Variants in DDAH1 observed in about 807,000 individuals in gnomAD.
DDAH1 encodes dimethylarginine dimethylaminohydrolase 1.
In DDAH1, 19 loss-of-function variants were observed where a neutral mutation model predicts 28.8. That is an observed-to-expected ratio of 0.66 (90% CI 0.46 to 0.97). DDAH1 has a LOEUF of 0.97. Among genes scored for constraint, DDAH1 ranks in the 50% least tolerant of loss-of-function variants. The pLI is 0.00. For missense variants in DDAH1, 326 were observed against 375.9 expected, an observed-to-expected ratio of 0.87 and a Z score of 1.10; for synonymous variants, 153 against 154.4, an observed-to-expected ratio of 0.99 and a Z score of 0.07.
intron 4 of DDAH1, among the ~76,000 whole-genome samples, chr1:85,345,046 A>G (rs1040147199): frequency 1.3e-5 from 2 of 152,234 alleles, no homozygotes; most frequent in African/African-American, 4.8e-5. Flanking sequence ...TAAAGTATAC[A>G]AAGTGTAATA....
intron 1 of DDAH1, among the ~76,000 whole-genome samples, chr1:85,360,840 GCTTTT>G (rs1279017102): frequency 9.2e-5 from 14 of 152,064 alleles, no homozygotes; most frequent in South Asian, 2.1e-4. Flanking sequence ...AAATGTTTGT[GCTTTT>G]CTTTTCTTTT....
chr1:85,384,120 T>C (rs1398117688), intron 1 of DDAH1, among the ~76,000 whole-genome samples: 1 of 152,212 alleles, frequency 6.6e-6, no homozygotes, highest in African/African-American at 2.4e-5. Flanking sequence ...CAAAGCCCTG[T>C]GTATTGTGAG....
chr1:85,498,951 C>T (rs541287556), intron 1 of DDAH1, among the ~76,000 whole-genome samples: 22 of 151,804 alleles, frequency 1.4e-4, no homozygotes, highest in African/African-American at 5.3e-4. Context: ...AAAAAATTCT[C>T]AACAAATTCA....
intron 1 of DDAH1, among the ~76,000 whole-genome samples, chr1:85,503,097 C>A (rs77003721): frequency 0.067 from 10,003 of 149,158 alleles, 461 homozygotes; most frequent in Middle Eastern, 0.16. Context: ...TAAAAAAAAA[C>A]CCCAACAACC....
chr1:85,575,779 C>T (rs1659585048), intron 1 of DDAH1: 1 of 152,110 alleles, frequency 6.6e-6, no homozygotes. Flanking sequence ...ATGATCTGGG[C>T]CCAAATCCAG....
intron 1 of DDAH1, among the ~76,000 whole-genome samples, chr1:85,549,881 G>C (rs570598810): frequency 2.6e-5 from 4 of 152,292 alleles, no homozygotes; most frequent in African/African-American, 9.6e-5. Context: ...AAGTGGACAA[G>C]TTTTATATCA....
At chr1:85,454,832 T>C (rs943359149) in intron 1 of DDAH1, among the ~76,000 whole-genome samples, 3 of 152,164 alleles carry the variant, frequency 2.0e-5, no homozygotes, top group African/African-American at 7.2e-5. Context: ...TGTGCTCTAG[T>C]CATAATTGGA....
chr1:85,484,047 G>C (rs149523113), intron 2 of DDAH1, among the ~76,000 whole-genome samples: 1 of 152,020 alleles, frequency 6.6e-6, no homozygotes, highest in Admixed American at 6.6e-5. Flanking sequence ...GAAGTATGTG[G>C]GTCATCTAGG....
intron 4 of DDAH1, among the ~76,000 whole-genome samples, chr1:85,331,013 GC>G (rs1647727285): frequency 6.6e-6 from 1 of 152,214 alleles, no homozygotes; most frequent in East Asian, 1.9e-4. Flanking sequence ...AATCATTGTG[GC>G]CACACTGTCA....
At chr1:85,496,977 GC>G (rs1656616668) in intron 1 of DDAH1, among the ~76,000 whole-genome samples, 1 of 152,144 alleles carries the variant, frequency 6.6e-6, no homozygotes, top group Non-Finnish European at 1.5e-5. Context: ...AGGAACAAAG[GC>G]TATTTACAGA....
intron 1 of DDAH1, among the ~76,000 whole-genome samples, chr1:85,370,276 C>T (rs1650312853): frequency 1.3e-5 from 2 of 152,176 alleles, no homozygotes; most frequent in South Asian, 4.1e-4. Context: ...GAAACCAACC[C>T]TTCCAATACC....
chr1:85,449,545 A>C (rs1654574824), intron 1 of DDAH1, among the ~76,000 whole-genome samples: 2 of 152,156 alleles, frequency 1.3e-5, no homozygotes, highest in Admixed American at 1.3e-4. Context: ...GATGGCTTCC[A>C]GGGCTTGGAA....
chr1:85,458,056 T>C (rs1235937846), intron 1 of DDAH1, among the ~76,000 whole-genome samples: 1 of 152,228 alleles, frequency 6.6e-6, no homozygotes, highest in Non-Finnish European at 1.5e-5. Flanking sequence ...TGCTGATGTA[T>C]GTATCTTCAC....
At chr1:85,354,675 C>A (rs1649397490) in intron 2 of DDAH1, among the ~76,000 whole-genome samples, 2 of 151,702 alleles carry the variant, frequency 1.3e-5, no homozygotes, top group Admixed American at 6.6e-5. Context: ...TTAAAAAAAA[C>A]CTCATTACCT....
chr1:85,450,531 C>T (rs188260195), intron 1 of DDAH1, among the ~76,000 whole-genome samples: 2 of 152,234 alleles, frequency 1.3e-5, no homozygotes, highest in Admixed American at 6.5e-5. Flanking sequence ...GGCTAGTTAT[C>T]GCCAGTCCAT....
At position 85,509,100 on chromosome 1, in the gene DDAH1, C is replaced by T. The variant is rs148688635; in HGVS notation, c.-122-12819G>A. On this transcript the variant is annotated intron_variant, in intron 1 of 6. Coordinates refer to the DDAH1 transcript ENST00000426972. ...ACAGATACCTCATATAGGCAGGTGCCCCTCTGGGATGAAGCTTTCAGAGGA... is the reference window on the plus strand; with the variant it reads ...ACAGATACCTCATATAGGCAGGTGCTCCTCTGGGATGAAGCTTTCAGAGGA... Among the ~76,000 whole-genome samples, 1,027 of 152,296 alleles carry T rather than the reference C, an allele frequency of 6.7e-3. 11 individuals carry two copies. The highest frequency in any genetic ancestry group is 0.024 in the African/African-American group (988 of 41,564).
intron 4 of DDAH1, among the ~76,000 whole-genome samples, chr1:85,339,223 C>T (rs935472650): frequency 5.9e-5 from 9 of 152,092 alleles, no homozygotes; most frequent in Admixed American, 1.3e-4. Context: ...ATAGATTCAG[C>T]GCTTTTCATT....
rs188912765 is a variant in DDAH1 at position 85,378,660 on chromosome 1, C to T, written c.304-19813G>A. Among the ~76,000 whole-genome samples, 78 of 152,298 alleles carry T rather than the reference C, an allele frequency of 5.1e-4. 1 individual carries two copies. The East Asian group carries it at 0.014, about 28-fold the overall frequency. On this transcript the variant is annotated intron_variant, in intron 1 of 5. Transcript: ENST00000284031. ...CTGAGCTCAAGTGATCTATCCACCT[C>T]GGCCTCCCAATGTGCTGGGATTATA...
intron 1 of DDAH1, among the ~76,000 whole-genome samples, chr1:85,392,109 T>C (rs1187195623): frequency 6.6e-6 from 1 of 152,224 alleles, no homozygotes; most frequent in Non-Finnish European, 1.5e-5. Context: ...GTTTTTGTTT[T>C]TGGCTTAAGC....
Sources: allele counts gnomAD v4.1 joint callset (sites outside exome capture counted in the v4.1 genomes callset), GRCh38; gene constraint gnomAD v4.1.1; transcripts MANE v1.5; gene names NCBI Gene and HGNC (gene_info 2026-07-23, HGNC 2026-07-21).